Variants in LIG1 observed in about 807,000 individuals in gnomAD.
LIG1 encodes the protein DNA ligase 1, also known as ligase I, DNA, ATP-dependent.
LIG1 carries 70 observed loss-of-function variants against 115.7 expected under a neutral mutation model. That is an observed-to-expected ratio of 0.60 (90% CI 0.50 to 0.74). The LOEUF is 0.74. Among genes scored for constraint, LIG1 ranks in the 30% least tolerant of loss-of-function variants. LIG1 has a pLI of 0.00. For synonymous variants in LIG1, 487 were observed against 495.3 expected, an observed-to-expected ratio of 0.98 and a Z score of 0.22; for missense variants, 1,115 against 1,225.6, an observed-to-expected ratio of 0.91 and a Z score of 1.35.
At chr19:48,150,749 G>A (rs2035419965) in intron 7 of LIG1, among the ~76,000 whole-genome samples, 1 of 152,200 alleles carries the variant, frequency 6.6e-6, no homozygotes, top group African/African-American at 2.4e-5. Context: ...CAAGGCTGGA[G>A]TGCAGTGGTG....
chr19:48,151,308 C>T lies in LIG1; in HGVS notation c.498G>A (p.Glu166=). The T allele has an allele frequency of 2.5e-6, 4 of 1,613,668 alleles. No homozygotes were observed. The highest frequency in any genetic ancestry group is 3.4e-6 in the Non-Finnish European group (4 of 1,179,668). Residue 166 remains glutamate (E), a synonymous_variant, in exon 7 of 28, where the codon GAG becomes GAA. Transcript: ENST00000263274. The stretch of plus-strand genomic sequence containing the variant: ...CTTCCTTCTCTGTGGCCACTTCAGC[C>T]TCTGTGAGGCTTTCTTTCGGGGTCT... ...EEETPKESLT[E]AEVATEKEGE... is the part of the protein sequence containing the mutation.
At chr19:48,133,238 G>A (rs2034159674) in intron 17 of LIG1, 141 bp from the exon 18 acceptor site, 5 of 670,440 alleles carry the variant, frequency 7.5e-6, no homozygotes, top group Non-Finnish European at 1.3e-5. Flanking sequence ...GTTTTAGAAG[G>A]GGACCTAGCC....
chr19:48,161,553 C>T (rs1369948984), intron 3 of LIG1, 46 bp from the exon 4 acceptor site: 2 of 1,608,194 alleles, frequency 1.2e-6, no homozygotes, highest in Admixed American at 1.7e-5. Context: ...CTACAGCAGG[C>T]AGAGTGGGGG....
At chr19:48,158,677 C>A (rs2122983335) in intron 4 of LIG1, among the ~76,000 whole-genome samples, 1 of 152,368 alleles carries the variant, frequency 6.6e-6, no homozygotes, top group Non-Finnish European at 1.5e-5. Flanking sequence ...GGAGGCACAG[C>A]CGGCTTGCCG....
intron 9 of LIG1, chr19:48,147,505 T>G (rs1248836691): frequency 6.6e-6 from 1 of 151,230 alleles, no homozygotes; most frequent in Non-Finnish European, 1.5e-5. Context: ...ACCCCATCTC[T>G]ACAAAAAGTA....
intron 18 of LIG1, among the ~76,000 whole-genome samples, chr19:48,131,743 T>A (rs890260585): frequency 6.6e-6 from 1 of 152,212 alleles, no homozygotes; most frequent in Non-Finnish European, 1.5e-5. Flanking sequence ...CCAGCCTCTA[T>A]GTCTATTTAT....
Position 48,122,674 on chromosome 19 carries a change from G to A in LIG1, c.2232+260C>T, listed in dbSNP as rs918464428. On this transcript the variant is annotated intron_variant, in intron 23 of 27. Coordinates refer to ENST00000263274, the MANE Select transcript of LIG1 (RefSeq NM_000234.3). The surrounding 1 kb of genome is among the most constrained non-coding windows in gnomAD (Gnocchi z 4.3). Reference sequence around the variant, plus strand: ...TGGCCCGACACGGGCGGCAGGCTCAGGAGAGAGACACCTCATCACGCTGCA... The same window carrying A: ...TGGCCCGACACGGGCGGCAGGCTCAAGAGAGAGACACCTCATCACGCTGCA... Among the ~76,000 whole-genome samples the A allele has an allele frequency of 6.6e-6, 1 of 152,234 alleles. No individual in the cohort carries two copies. Among genetic ancestry groups the A allele is most frequent in the Non-Finnish European group, 1.5e-5 (1 of 68,050 alleles).
At position 48,143,704 on chromosome 19, in the gene LIG1, A is replaced by G. The variant is rs2034931525; in HGVS notation, c.858-105T>C. On this transcript the variant is annotated intron_variant, in intron 10 of 27. Transcript: ENST00000263274. The stretch of plus-strand genomic sequence containing the variant: ...GCCTCCTCGGGACACCCTTGCCAAT[A>G]CCCAAATGCATGAGCTCACTTCCCA... The G allele has an allele frequency of 2.7e-6, 3 of 1,110,602 alleles. No homozygotes were observed. In the Admixed American group the frequency reaches 5.2e-5, roughly 19 times the overall value. The allele number at this position is 1,110,602 out of a possible 1,614,324, so 68.8% of individuals were successfully genotyped here.
rs542028224 is a variant in LIG1, at chr19:48,117,759, C to G, written c.2462G>C (p.Arg821Pro). 1.9e-6 allele frequency: 3 copies of G among 1,612,886 alleles called. No homozygotes were observed. The highest frequency in any genetic ancestry group is 2.5e-6 in the Non-Finnish European group (3 of 1,179,754). ...SLKALVLPSP[R>P]PYVRIDGAVI... ...AGCGCCATCTATCCGCACGTAAGGG[C>G]GTGGGCTGGGCAGCACCAGCGCCTG... Residue 821 changes from arginine to proline, a missense_variant, in exon 26 of 28, where the codon CGC becomes CCC. By Grantham distance (103) the Arg-to-Pro change is moderately radical. Transcript: ENST00000263274.
intron 2 of LIG1, among the ~76,000 whole-genome samples, chr19:48,164,552 C>T (rs550393031): frequency 1.2e-3 from 185 of 152,274 alleles, no homozygotes; most frequent in African/African-American, 4.2e-3. Context: ...GGTATGTGGC[C>T]CAGGCTGGGC....
At chr19:48,144,107 A>G in intron 9 of LIG1, 144 bp from the exon 10 acceptor site, 1 of 744,156 alleles carries the variant, frequency 1.3e-6, no homozygotes, top group Non-Finnish European at 2.4e-6. Context: ...TGGAGCTCAC[A>G]TTCCAGCAGG....
chr19:48,131,080 G>C lies in LIG1; in HGVS notation c.1817C>G (p.Pro606Arg), dbSNP rs763051754. ...AAGTGTGTGGCAGACGCCCACCTTGGGGATGCGGCTGATGATGTCCGGGTA... is the reference window on the plus strand; with the variant it reads ...AAGTGTGTGGCAGACGCCCACCTTGCGGATGCGGCTGATGATGTCCGGGTA... ...GKYPDIISRI[P>R]KIKLPSVTSF... The change falls in exon 19 of 28, where the codon CCC becomes CGC. Residue 606 changes from proline to arginine, a missense_variant. Coordinates refer to ENST00000263274, the MANE Select transcript of LIG1 (RefSeq NM_000234.3). 1.2e-6 allele frequency: 2 copies of C among 1,613,876 alleles called. No homozygotes were observed. The highest frequency in any genetic ancestry group is 1.7e-6 in the Non-Finnish European group (2 of 1,179,768).
intron 15 of LIG1, 92 bp from the exon 16 acceptor site, chr19:48,135,871 C>T: frequency 4.6e-6 from 6 of 1,295,576 alleles, no homozygotes; most frequent in South Asian, 3.6e-5. Flanking sequence ...GCAAGGAATG[C>T]AGATGCCGCG....
chr19:48,136,942 T>A, intron 14 of LIG1, 66 bp downstream of exon 14: 1 of 1,283,618 alleles, frequency 7.8e-7, no homozygotes, highest in Admixed American at 1.9e-5. Flanking sequence ...CAGCTGCCAG[T>A]CCCTCCCTCC....
chr19:48,126,173 G>A (rs2033655078), intron 21 of LIG1, among the ~76,000 whole-genome samples: 1 of 152,084 alleles, frequency 6.6e-6, no homozygotes, highest in Non-Finnish European at 1.5e-5. Flanking sequence ...ACACAGAGAG[G>A]CTGAGTCATT....
chr19:48,145,284 G>C (rs990006042), intron 9 of LIG1, among the ~76,000 whole-genome samples: 4 of 152,112 alleles, frequency 2.6e-5, no homozygotes, highest in Non-Finnish European at 4.4e-5. Flanking sequence ...GCTCTGCCCC[G>C]GCCAGCTGTA....
At position 48,127,235 on chromosome 19, in the gene LIG1, C is replaced by T. The variant is rs200865399; in HGVS notation, c.2004+42G>A. On this transcript the variant is annotated intron_variant, in intron 21 of 27. Coordinates refer to ENST00000263274, the MANE Select transcript of LIG1 (RefSeq NM_000234.3). The stretch of plus-strand genomic sequence containing the variant: ...CAGCTGCCAGGCTCACACCCCACCC[C>T]GTCACCCCTCAGCTGCCCCTGGACA... The T allele has an allele frequency of 2.1e-5, 33 of 1,540,894 alleles. 1 individual carries two copies. The highest frequency in any genetic ancestry group is 1.7e-4 in the Middle Eastern group (1 of 5,928).
chr19:48,148,008 G>T (rs556342483), intron 9 of LIG1, among the ~76,000 whole-genome samples: 1 of 152,304 alleles, frequency 6.6e-6, no homozygotes, highest in Non-Finnish European at 1.5e-5. Context: ...CATGTGACAA[G>T]ACATAAAAGA....
Position 48,159,171 on chromosome 19 carries a change from A to G in LIG1, c.244-2031T>C, listed in dbSNP as rs1030473143. Among the ~76,000 whole-genome samples, 8 of 151,008 alleles carry G rather than the reference A, an allele frequency of 5.3e-5. No individual in the cohort carries two copies. In the East Asian group the frequency reaches 1.6e-3, roughly 30 times the overall value. On this transcript the variant is annotated intron_variant, in intron 4 of 27. Transcript: ENST00000263274. ...CGGCTCACCACAACCTCCATCTCCCAGGTTCAAGCAATTCTCCTGCCTCAG... is the reference window on the plus strand; with the variant it reads ...CGGCTCACCACAACCTCCATCTCCCGGGTTCAAGCAATTCTCCTGCCTCAG...
Sources: allele counts gnomAD v4.1 joint callset (sites outside exome capture counted in the v4.1 genomes callset), GRCh38; gene constraint gnomAD v4.1.1; non-coding constraint Gnocchi (gnomAD v3.1); transcripts MANE v1.5; gene names NCBI Gene and HGNC (gene_info 2026-07-23, HGNC 2026-07-21).